The following SHANK2 variants were observed in gnomAD, a reference collection of about 807,000 sequenced individuals.
SHANK2 encodes SH3 and multiple ankyrin repeat domains 2, also known as SH3 and multiple ankyrin repeat domains protein 2.
A neutral mutation model predicts 133.7 loss-of-function variants in SHANK2; 43 were observed. The observed-to-expected ratio is 0.32, with a 90% CI of 0.25 to 0.41. The LOEUF is 0.41. Among genes scored for constraint, SHANK2 ranks in the 10% least tolerant of loss-of-function variants. The pLI is 1.00. For missense variants in SHANK2, 1,994 were observed against 2,235.8 expected, an observed-to-expected ratio of 0.89 and a Z score of 2.18; for synonymous variants, 1,017 against 952.8, an observed-to-expected ratio of 1.07 and a Z score of -1.24.
At chr11:71,230,340 G>A (rs948708885) in intron 1 of SHANK2, among the ~76,000 whole-genome samples, 4 of 151,756 alleles carry the variant, frequency 2.6e-5, no homozygotes, top group Non-Finnish European at 4.4e-5. Flanking sequence ...CCAGCACTTT[G>A]GAAGGCCAAG....
At chr11:71,185,165 C>A (rs984805712) in intron 2 of SHANK2, among the ~76,000 whole-genome samples, 2 of 152,174 alleles carry the variant, frequency 1.3e-5, no homozygotes, top group Non-Finnish European at 2.9e-5. Flanking sequence ...CCAATACAAT[C>A]AGCCAGCACT....
At chr11:70,917,733 C>T (rs1266173545) in intron 10 of SHANK2, among the ~76,000 whole-genome samples, 3 of 152,302 alleles carry the variant, frequency 2.0e-5, no homozygotes, top group African/African-American at 7.2e-5. Context: ...AGGCCATTAT[C>T]CTTAGCAAAC....
intron 2 of SHANK2, among the ~76,000 whole-genome samples, chr11:71,171,813 A>T (rs1335753874): frequency 2.0e-5 from 3 of 152,238 alleles, no homozygotes; most frequent in African/African-American, 7.2e-5. Flanking sequence ...CCATCGGATT[A>T]ATCAGATTAA....
chr11:71,113,211 G>C, intron 5 of SHANK2, 82 bp downstream of exon 5: 1 of 1,243,034 alleles, frequency 8.0e-7, no homozygotes, highest in Middle Eastern at 1.9e-4. Flanking sequence ...CCTGGAAGAG[G>C]AGCGTCTAAA....
chr11:70,794,781 C>T (rs1302978095), intron 14 of SHANK2, among the ~76,000 whole-genome samples: 2 of 152,140 alleles, frequency 1.3e-5, no homozygotes, highest in African/African-American at 4.8e-5. Flanking sequence ...GTCTCAAACT[C>T]CTAACCTCAA....
At chr11:70,695,808 G>A (rs1591758258) in intron 15 of SHANK2, among the ~76,000 whole-genome samples, 1 of 152,198 alleles carries the variant, frequency 6.6e-6, no homozygotes, top group Non-Finnish European at 1.5e-5. Context: ...GGATAAGCAG[G>A]GCTGTTGTGA....
intron 11 of SHANK2, among the ~76,000 whole-genome samples, chr11:70,886,360 T>C (rs1213569968): frequency 6.6e-6 from 1 of 152,210 alleles, no homozygotes; most frequent in Non-Finnish European, 1.5e-5. Context: ...TGACTTTCCT[T>C]GGGAGGGTTT....
rs71467419 is a variant in SHANK2 at position 70,770,915 on chromosome 11, C to CTTTTTTTTTTTT, written c.1777+27516_1777+27527dup. On this transcript the variant is annotated intron_variant, in intron 14 of 25. Transcript: ENST00000601538. ...TCTCTCCTTCCCTCCCTCTTACTTC[C>CTTTTTTTTTTTT]TTTTTTTTTTTTTTTTTTTTTTTTT... is the stretch of plus-strand genomic sequence containing the variant. 8.6e-5 allele frequency among the ~76,000 whole-genome samples: 8 copies of CTTTTTTTTTTTT among 92,854 alleles called. 1 individual carries two copies. The highest frequency in any genetic ancestry group is 1.4e-4 in the African/African-American group (3 of 20,830). The allele number at this position is 92,854 out of a possible 152,430, so 60.9% of individuals were successfully genotyped here. A position where few individuals can be genotyped will look rare whatever the true frequency, so the allele number is the denominator to read the frequency against.
intron 15 of SHANK2, among the ~76,000 whole-genome samples, chr11:70,685,720 C>T (rs879989802): frequency 8.5e-5 from 13 of 152,142 alleles, no homozygotes; most frequent in Non-Finnish European, 1.8e-4. Context: ...GCAGTCTCAA[C>T]TCCTTAGACT....
At chr11:70,827,903 C>T (rs1330642023) in intron 11 of SHANK2, among the ~76,000 whole-genome samples, 4 of 152,104 alleles carry the variant, frequency 2.6e-5, no homozygotes, top group Admixed American at 6.5e-5. Flanking sequence ...CGGCATGCCT[C>T]GGTGAGGGCC....
At chr11:70,509,474 C>T (rs148722812) in intron 17 of SHANK2, among the ~76,000 whole-genome samples, 24 of 152,368 alleles carry the variant, frequency 1.6e-4, no homozygotes, top group Admixed American at 3.9e-4. Context: ...GCTCTGCACT[C>T]TTCCTTGCAG....
rs1190920388 is a variant in SHANK2 at position 71,118,816 on chromosome 11, G to A, written c.411+13C>T. ...ACACAACCACAGTCCATGCACTGTG[G>A]GCTGAAATATACCTCCAGGGAAGGA... On this transcript the variant is annotated intron_variant, in intron 4 of 25. Transcript: ENST00000601538. 1 of 1,537,010 alleles carries A rather than the reference G, an allele frequency of 6.5e-7. No homozygotes were observed. The highest frequency in any genetic ancestry group is 2.5e-5 in the East Asian group (1 of 40,794).
intron 10 of SHANK2, among the ~76,000 whole-genome samples, chr11:70,930,264 C>T (rs1044845671): frequency 6.6e-6 from 1 of 152,276 alleles, no homozygotes; most frequent in East Asian, 1.9e-4. Flanking sequence ...ACACCACAGA[C>T]GTCATGCTCT....
chr11:70,541,858 CT>C (rs1186187524), intron 17 of SHANK2, among the ~76,000 whole-genome samples: 2 of 152,240 alleles, frequency 1.3e-5, no homozygotes, highest in Non-Finnish European at 2.9e-5. Context: ...TGACCCTGCC[CT>C]AAGGCTGAGG....
intron 2 of SHANK2, among the ~76,000 whole-genome samples, chr11:71,162,900 G>A (rs1404402601): frequency 6.6e-6 from 1 of 151,420 alleles, no homozygotes; most frequent in Non-Finnish European, 1.5e-5. Flanking sequence ...GTGAAACCCC[G>A]TCTCTACTAA....
rs1045924108 is a variant in SHANK2, at chr11:70,750,122, T to C, written c.1777+48321A>G. ...CTGAAAAATAAAGAGTAGCAGGCAATTGGAGAAGAAAGGCAGATTTCCAAG... is the reference window on the plus strand; with the variant it reads ...CTGAAAAATAAAGAGTAGCAGGCAACTGGAGAAGAAAGGCAGATTTCCAAG... On this transcript the variant is annotated intron_variant, in intron 14 of 25. Transcript: ENST00000601538. Among the ~76,000 whole-genome samples, 12 of 152,162 alleles carry C rather than the reference T, an allele frequency of 7.9e-5. 1 individual carries two copies. The highest frequency in any genetic ancestry group is 2.4e-4 in the African/African-American group (10 of 41,446).
At chr11:71,245,625 T>C (rs1954950855) in intron 1 of SHANK2, among the ~76,000 whole-genome samples, 1 of 151,864 alleles carries the variant, frequency 6.6e-6, no homozygotes, top group Non-Finnish European at 1.5e-5. Flanking sequence ...CACGGTGGAG[T>C]GGGCAGCCGC....
At chr11:71,105,590 T>TAAAAAAAAA (rs60654256) in intron 6 of SHANK2, among the ~76,000 whole-genome samples, 1 of 77,946 alleles carries the variant, frequency 1.3e-5, no homozygotes, top group African/African-American at 5.2e-5. Context: ...AGACTCAGTC[T>TAAAAAAAAA]AAAAAAAAAA....
At chr11:70,640,034 G>A (rs1269835314) in intron 17 of SHANK2, among the ~76,000 whole-genome samples, 5 of 152,246 alleles carry the variant, frequency 3.3e-5, no homozygotes, top group Admixed American at 1.3e-4. Context: ...GCTGCAGAAC[G>A]TGCAGGTGCA....
Sources: gnomAD v4.1 joint callset for allele counts (sites outside exome capture counted in the v4.1 genomes callset) on GRCh38, gnomAD v4.1.1 for gene constraint, MANE v1.5 for transcripts, NCBI Gene and HGNC (gene_info 2026-07-23, HGNC 2026-07-21) for gene names.